KIAA1671: variants seen among roughly 807,000 people sequenced by gnomAD.
The protein encoded by KIAA1671 is uncharacterized protein KIAA1671.
Under a neutral mutation model 131.2 loss-of-function variants are expected in KIAA1671, and 52 were observed. The observed-to-expected ratio is 0.40, with a 90% CI of 0.32 to 0.50. KIAA1671 has a LOEUF of 0.50. Among genes scored for constraint, KIAA1671 ranks in the 20% least tolerant of loss-of-function variants. The probability of loss-of-function intolerance (pLI) is 0.73; values close to 1 mark genes in which losing one functional copy is unlikely to be tolerated. For missense variants in KIAA1671, 2,360 were observed against 2,364.2 expected (o/e 1.00, Z 0.04); for synonymous variants, 1,003 against 961.6 (o/e 1.04, Z -0.80).
At chr22:24,979,352 T>TTC (rs1435237364) in intron 1 of KIAA1671, among the ~76,000 whole-genome samples, 1 of 134,498 alleles carries the variant, frequency 7.4e-6, no homozygotes, top group African/African-American at 2.8e-5. Flanking sequence ...ATTTATTTAT[T>TTC]TATTTATTTT....
At chr22:25,184,630 G>A (rs919750402) in intron 10 of KIAA1671, among the ~76,000 whole-genome samples, 5 of 152,176 alleles carry the variant, frequency 3.3e-5, no homozygotes, top group Admixed American at 1.3e-4. Context: ...GGAACTGAAC[G>A]GAGCTAAGCT....
At chr22:25,092,604 A>T (rs905031125) in intron 6 of KIAA1671, among the ~76,000 whole-genome samples, 12 of 152,130 alleles carry the variant, frequency 7.9e-5, no homozygotes, top group Non-Finnish European at 1.2e-4. Context: ...GGCCAGTGGC[A>T]GTGGGGACTT....
Position 25,072,418 on chromosome 22 carries a change from C to T in KIAA1671, c.4530+23054C>T, listed in dbSNP as rs527739694. On this transcript the variant is annotated intron_variant, in intron 6 of 12. Coordinates refer to ENST00000358431, the MANE Select transcript of KIAA1671 (RefSeq NM_001145206.2). ...ATAATGAGAGAGATTTTCATTTGTC[C>T]GCTGCTTTCTGTGGGTGACCAGGTC... Among the ~76,000 whole-genome samples the T allele has an allele frequency of 4.6e-5, 7 of 152,256 alleles. No homozygotes were observed. In the East Asian group the frequency reaches 7.7e-4, roughly 17 times the overall value.
At chr22:25,017,961 A>G (rs949199117) in intron 1 of KIAA1671, among the ~76,000 whole-genome samples, 2 of 151,744 alleles carry the variant, frequency 1.3e-5, no homozygotes, top group Non-Finnish European at 2.9e-5. Flanking sequence ...GCGCTCTAAT[A>G]ACCATGTTTA....
chr22:25,077,315 T>A (rs1038316882), intron 6 of KIAA1671, among the ~76,000 whole-genome samples: 1 of 149,292 alleles, frequency 6.7e-6, no homozygotes, highest in Non-Finnish European at 1.5e-5. Context: ...GGAGGAACTG[T>A]GCTGAGGATT....
At chr22:25,170,733 C>T in intron 6 of KIAA1671, 87 bp from the exon 7 acceptor site, 1 of 1,308,606 alleles carries the variant, frequency 7.6e-7, no homozygotes. Context: ...GAGCTGGGGG[C>T]CATGCGATCT....
intron 6 of KIAA1671, among the ~76,000 whole-genome samples, chr22:25,129,092 C>G (rs1372135161): frequency 1.3e-5 from 2 of 152,036 alleles, no homozygotes; most frequent in Admixed American, 1.3e-4. Flanking sequence ...GTCCTTTGAG[C>G]CAAGTCAGTG....
intron 6 of KIAA1671, among the ~76,000 whole-genome samples, chr22:25,127,967 AG>A (rs1214872494): frequency 6.6e-6 from 1 of 152,194 alleles, no homozygotes; most frequent in African/African-American, 2.4e-5. Flanking sequence ...AGGAGACAAC[AG>A]GGGTACAGAT....
chr22:25,046,997 G>A (rs1340133037), intron 5 of KIAA1671, among the ~76,000 whole-genome samples: 9 of 144,940 alleles, frequency 6.2e-5, no homozygotes, highest in Non-Finnish European at 1.0e-4. Context: ...TTGAGCCAGC[G>A]TCTCACTCTG....
chr22:25,094,668 C>T (rs575739154), intron 6 of KIAA1671, among the ~76,000 whole-genome samples: 93 of 152,168 alleles, frequency 6.1e-4, no homozygotes, highest in African/African-American at 2.1e-3. Context: ...CTCCAGACAG[C>T]GTTGTAAGAA....
intron 1 of KIAA1671, among the ~76,000 whole-genome samples, chr22:24,996,886 G>C (rs1410366241): frequency 6.6e-6 from 1 of 152,168 alleles, no homozygotes; most frequent in Non-Finnish European, 1.5e-5. Context: ...AGGGGATTTG[G>C]GGGAGGGGCA....
intron 4 of KIAA1671, among the ~76,000 whole-genome samples, chr22:25,038,183 G>A (rs1447779723): frequency 6.6e-6 from 1 of 151,666 alleles, no homozygotes; most frequent in Non-Finnish European, 1.5e-5. Context: ...TATTTTTTTG[G>A]TGTAGACAAG....
At chr22:25,121,127 G>A (rs961468649) in intron 6 of KIAA1671, among the ~76,000 whole-genome samples, 5 of 152,284 alleles carry the variant, frequency 3.3e-5, no homozygotes, top group African/African-American at 9.6e-5. Flanking sequence ...GGATTGATAC[G>A]CATCACAGGG....
intron 9 of KIAA1671, chr22:25,179,408 G>A (rs1291267485): frequency 6.8e-6 from 11 of 1,611,956 alleles, no homozygotes; most frequent in African/African-American, 1.3e-5. Flanking sequence ...GGTGCGCCTC[G>A]CGGATCTCCT....
intron 6 of KIAA1671, among the ~76,000 whole-genome samples, chr22:25,074,189 GAT>G (rs71322719): frequency 1.3e-5 from 2 of 150,118 alleles, no homozygotes; most frequent in Non-Finnish European, 3.0e-5. Context: ...ATATAGAGAG[GAT>G]ATATATATAT....
intron 1 of KIAA1671, among the ~76,000 whole-genome samples, chr22:24,995,969 C>G (rs1924114242): frequency 6.6e-6 from 1 of 152,256 alleles, no homozygotes; most frequent in African/African-American, 2.4e-5. Flanking sequence ...GCTGCTACTC[C>G]TGCATGTCAT....
rs554585339 is a variant in KIAA1671 at position 25,064,074 on chromosome 22, T to A, written c.4530+14710T>A. 2.0e-5 allele frequency: 3 copies of A among 152,450 alleles called. No homozygotes were observed. The East Asian group carries it at 5.8e-4, about 29-fold the overall frequency. 9.4% of individuals were successfully genotyped at this position (152,450 alleles called of 1,614,324 possible). A position where few individuals can be genotyped will look rare whatever the true frequency, so the allele number is the denominator to read the frequency against. On this transcript the variant is annotated intron_variant, in intron 6 of 12. Coordinates refer to ENST00000358431, the MANE Select transcript of KIAA1671 (RefSeq NM_001145206.2). ...TGTTTGTTTTTTGTGTTTGTTTGTT[T>A]GTTTTTTGAGATGGAGTCTCGCTCT...
At chr22:25,112,410 A>G (rs1055949112) in intron 6 of KIAA1671, 2 of 398,970 alleles carry the variant, frequency 5.0e-6, no homozygotes, top group South Asian at 2.5e-4. Context: ...CGCAGCCAAC[A>G]GAGATTTTCT....
chr22:24,985,286 G>C (rs1430493508), intron 1 of KIAA1671, among the ~76,000 whole-genome samples: 1 of 151,980 alleles, frequency 6.6e-6, no homozygotes, highest in Non-Finnish European at 1.5e-5. Flanking sequence ...TTGTTGGCTG[G>C]ATCTGAAATT....
Sources: allele counts gnomAD v4.1 joint callset (sites outside exome capture counted in the v4.1 genomes callset), GRCh38; gene constraint gnomAD v4.1.1; transcripts MANE v1.5; gene names NCBI Gene and HGNC (gene_info 2026-07-23, HGNC 2026-07-21).